The following LIN9 variants were observed in gnomAD, a reference collection of about 807,000 sequenced individuals.
LIN9 encodes the protein lin-9 DREAM MuvB core complex component.
In LIN9, 18 loss-of-function variants were observed where a neutral mutation model predicts 78.0. The observed-to-expected ratio is 0.23, with a 90% CI of 0.16 to 0.34. The LOEUF (loss-of-function observed/expected upper bound fraction) is 0.34, where lower values mean the gene tolerates loss of function less well. Ranked by LOEUF, LIN9 falls within the 10% of genes least tolerant of loss-of-function variation. The pLI is 1.00. For synonymous variants in LIN9, 192 were observed against 215.2 expected (o/e 0.89, Z 0.94); for missense variants, 451 against 644.1 (o/e 0.70, Z 3.25).
chr1:226,304,519 T>C (rs1356811143), intron 1 of LIN9, among the ~76,000 whole-genome samples: 1 of 152,120 alleles, frequency 6.6e-6, no homozygotes, highest in African/African-American at 2.4e-5. Flanking sequence ...TAATTATAGC[T>C]CATGATAAAG....
intron 3 of LIN9, 121 bp from the exon 4 acceptor site, chr1:226,296,067 A>G (rs1662130650): frequency 1.6e-6 from 1 of 614,804 alleles, no homozygotes; most frequent in Non-Finnish European, 2.8e-6. Context: ...GGAAGGATAA[A>G]GTATGGGCAA....
intron 10 of LIN9, among the ~76,000 whole-genome samples, chr1:226,251,228 A>G (rs1308097278): frequency 8.0e-6 from 1 of 125,680 alleles, no homozygotes; most frequent in African/African-American, 3.1e-5. Context: ...TAATTTTTGT[A>G]ATTTTTTTTT....
chr1:226,253,573 A>T (rs1658989909), intron 10 of LIN9, among the ~76,000 whole-genome samples: 1 of 151,072 alleles, frequency 6.6e-6, no homozygotes, highest in Admixed American at 6.6e-5. Context: ...GGGATTACAT[A>T]CAGGCATAAG....
intron 4 of LIN9, among the ~76,000 whole-genome samples, chr1:226,294,737 A>C (rs1176674675): frequency 6.6e-6 from 1 of 152,154 alleles, no homozygotes; most frequent in Admixed American, 6.6e-5. Context: ...ATAAGACAAA[A>C]ATTACATTAC....
At chr1:226,267,520 A>C (rs560195534) in intron 8 of LIN9, among the ~76,000 whole-genome samples, 1 of 151,652 alleles carries the variant, frequency 6.6e-6, no homozygotes, top group African/African-American at 2.4e-5. Context: ...CTTATGTCTG[A>C]GTTTCATCAT....
At chr1:226,258,499 G>A (rs1170011386) in intron 10 of LIN9, among the ~76,000 whole-genome samples, 7 of 147,488 alleles carry the variant, frequency 4.7e-5, no homozygotes, top group African/African-American at 1.3e-4. Flanking sequence ...AATGGATAAA[G>A]AATATGCCAT....
chr1:226,309,680 C>A (rs929038389), upstream of LIN9: 24 of 1,283,090 alleles, frequency 1.9e-5, no homozygotes, highest in African/African-American at 3.4e-4. Context: ...TTTCCCGAGA[C>A]CGCCGGCCGC....
chr1:226,232,203 A>G lies in LIN9; in HGVS notation c.*298T>C. ...TCATGCACATTAAAAAAAATGGTCA[A>G]TGTATTCTTCCACGAAATTATATTA... is the stretch of plus-strand genomic sequence containing the variant. On this transcript the variant is annotated 3_prime_UTR_variant, in exon 15 of 15. Coordinates refer to ENST00000681046, the MANE Select transcript of LIN9 (RefSeq NM_001366245.2). The G allele has an allele frequency of 2.5e-6, 1 of 400,936 alleles. No homozygotes were observed. Among genetic ancestry groups the G allele is most frequent in the Non-Finnish European group, 4.4e-6 (1 of 227,366 alleles). 24.8% of individuals were successfully genotyped at this position (400,936 alleles called of 1,614,324 possible). A position where few individuals can be genotyped will look rare whatever the true frequency, so the allele number is the denominator to read the frequency against.
intron 1 of LIN9, among the ~76,000 whole-genome samples, chr1:226,307,138 T>C (rs1403643372): frequency 1.3e-5 from 2 of 152,208 alleles, no homozygotes; most frequent in Non-Finnish European, 2.9e-5. Context: ...ATATTCCTAA[T>C]GGCAGTTGTA....
chr1:226,274,136 A>C (rs1660483597), intron 7 of LIN9, among the ~76,000 whole-genome samples: 1 of 152,176 alleles, frequency 6.6e-6, no homozygotes, highest in African/African-American at 2.4e-5. Context: ...CCTGGCCTTA[A>C]CATTACTTTC....
At chr1:226,257,925 T>C (rs1035728361) in intron 10 of LIN9, among the ~76,000 whole-genome samples, 3 of 152,178 alleles carry the variant, frequency 2.0e-5, no homozygotes, top group African/African-American at 7.2e-5. Context: ...GGCTCATGCC[T>C]ATAATCCCAG....
At chr1:226,308,817 G>A (rs976549516) in intron 1 of LIN9, 46 of 224,822 alleles carry the variant, frequency 2.0e-4, no homozygotes, top group Admixed American at 1.7e-4. Flanking sequence ...CTCGGCTGGG[G>A]GCCGGAGTGG....
intron 11 of LIN9, among the ~76,000 whole-genome samples, chr1:226,246,510 C>T (rs1412006242): frequency 5.3e-5 from 8 of 151,748 alleles, no homozygotes; most frequent in South Asian, 4.2e-4. Context: ...AGGTCGGGCG[C>T]GGTGGCTCAC....
chr1:226,295,228 T>C (rs1662064958), intron 4 of LIN9, among the ~76,000 whole-genome samples: 1 of 151,510 alleles, frequency 6.6e-6, no homozygotes, highest in Non-Finnish European at 1.5e-5. Flanking sequence ...GGCGGGTAGA[T>C]CACTTGAGGT....
At chr1:226,271,715 ATTTC>A (rs1479839654) in intron 7 of LIN9, among the ~76,000 whole-genome samples, 1 of 152,056 alleles carries the variant, frequency 6.6e-6, no homozygotes, top group East Asian at 1.9e-4. Flanking sequence ...GGATTTGTCT[ATTTC>A]TTTCTTTAGT....
At chr1:226,279,769 GA>G (rs372383120) in intron 6 of LIN9, among the ~76,000 whole-genome samples, 98 of 93,742 alleles carry the variant, frequency 1.0e-3, no homozygotes, top group Middle Eastern at 6.3e-3. Flanking sequence ...GACCCAGTCT[GA>G]AAAAAAAAAA....
intron 12 of LIN9, 119 bp from the exon 13 acceptor site, chr1:226,233,642 T>G: frequency 3.2e-6 from 2 of 619,690 alleles, no homozygotes; most frequent in East Asian, 3.3e-5. Flanking sequence ...AAAACTAAAG[T>G]GGTACTCTTA....
At chr1:226,280,970 T>A (rs955319799) in intron 6 of LIN9, among the ~76,000 whole-genome samples, 1 of 152,212 alleles carries the variant, frequency 6.6e-6, no homozygotes, top group Admixed American at 6.5e-5. Context: ...TGTACTCCCA[T>A]GTTTATTGTA....
At chr1:226,233,019 G>T in intron 14 of LIN9, 77 bp downstream of exon 14, 1 of 820,244 alleles carries the variant, frequency 1.2e-6, no homozygotes, top group South Asian at 1.8e-5. Flanking sequence ...TCACAAATAT[G>T]CATAATTCTT....
Sources: allele counts gnomAD v4.1 joint callset (sites outside exome capture counted in the v4.1 genomes callset), GRCh38; gene constraint gnomAD v4.1.1; transcripts MANE v1.5; gene names NCBI Gene and HGNC (gene_info 2026-07-23, HGNC 2026-07-21).